The following RAPGEF4 variants were observed in gnomAD, a reference collection of about 807,000 sequenced individuals.
RAPGEF4 encodes the protein Rap guanine nucleotide exchange factor 4.
Under a neutral mutation model 147.9 loss-of-function variants are expected in RAPGEF4, and 66 were observed. The observed-to-expected ratio is 0.45, with a 90% confidence interval of 0.37 to 0.55. The LOEUF is 0.55. Among genes scored for constraint, RAPGEF4 ranks in the 20% least tolerant of loss-of-function variants. The pLI is 0.00. For synonymous variants in RAPGEF4, 419 were observed against 442.7 expected, an observed-to-expected ratio of 0.95 and a Z score of 0.67; for missense variants, 1,071 against 1,257.3, an observed-to-expected ratio of 0.85 and a Z score of 2.24.
chr2:173,018,708 A>C lies in RAPGEF4; in HGVS notation c.2061A>C (p.Pro687=), dbSNP rs1196012705. Reference sequence around the variant, plus strand: ...ACACCTACACAACCATTCGGGTGCCAGTGGCCACTTCGGTGAAGGAAGTCA... The same window carrying C: ...ACACCTACACAACCATTCGGGTGCCCGTGGCCACTTCGGTGAAGGAAGTCA... ...MDHTYTTIRV[P]VATSVKEVIS... The change falls in exon 22 of 31, where the codon CCA becomes CCC. Residue 687 remains proline, a synonymous_variant. Transcript: ENST00000397081. 2.5e-6 allele frequency: 4 copies of C among 1,613,820 alleles called. No individual in the cohort carries two copies. The East Asian group carries it at 8.9e-5, about 36-fold the overall frequency.
intron 4 of RAPGEF4, among the ~76,000 whole-genome samples, chr2:172,883,066 T>G (rs1361943247): frequency 6.6e-6 from 1 of 151,912 alleles, no homozygotes; most frequent in African/African-American, 2.4e-5. Flanking sequence ...AAGACAGGAC[T>G]AGGCCAGTTT....
chr2:172,952,550 C>T (rs1688309433), intron 6 of RAPGEF4, among the ~76,000 whole-genome samples: 1 of 152,156 alleles, frequency 6.6e-6, no homozygotes, highest in African/African-American at 2.4e-5. Flanking sequence ...TTAGCTTCTA[C>T]TACTCAAATG....
At chr2:172,772,311 A>G (rs569484169) in intron 1 of RAPGEF4, among the ~76,000 whole-genome samples, 1 of 142,592 alleles carries the variant, frequency 7.0e-6, no homozygotes, top group African/African-American at 3.0e-5. Context: ...TATGTTTTTT[A>G]TATTATTTTA....
intron 29 of RAPGEF4, among the ~76,000 whole-genome samples, chr2:173,039,072 G>A (rs3769216): frequency 0.37 from 56,849 of 152,142 alleles, 11,473 homozygotes; most frequent in Non-Finnish European, 0.44. Context: ...GAAAAGCAAT[G>A]AATAGCTACG....
chr2:172,743,007 A>G (rs1436666235), intron 1 of RAPGEF4, among the ~76,000 whole-genome samples: 2 of 152,142 alleles, frequency 1.3e-5, no homozygotes, highest in African/African-American at 4.8e-5. Context: ...CTTTTGTTGG[A>G]ATTTCCCATG....
chr2:172,933,442 C>A (rs2150100501), intron 6 of RAPGEF4, among the ~76,000 whole-genome samples: 1 of 152,124 alleles, frequency 6.6e-6, no homozygotes, highest in Middle Eastern at 3.4e-3. Context: ...AGTTTGGAGA[C>A]CTGGTTTCAA....
At chr2:172,919,761 A>G (rs1684522450) in intron 5 of RAPGEF4, among the ~76,000 whole-genome samples, 1 of 152,084 alleles carries the variant, frequency 6.6e-6, no homozygotes. Flanking sequence ...ATAAGGGAAC[A>G]CATTCTGATT....
At chr2:172,898,122 C>A (rs180730796) in intron 4 of RAPGEF4, among the ~76,000 whole-genome samples, 1 of 152,160 alleles carries the variant, frequency 6.6e-6, no homozygotes, top group East Asian at 1.9e-4. Context: ...GGATGTGGGA[C>A]CAGGTGGATT....
chr2:172,855,914 A>G (rs1388660322), intron 4 of RAPGEF4, among the ~76,000 whole-genome samples: 2 of 152,126 alleles, frequency 1.3e-5, no homozygotes, highest in South Asian at 2.1e-4. Flanking sequence ...TTTGAATATG[A>G]TGTGCCTTGG....
At chr2:172,898,602 C>A (rs1350365868) in intron 4 of RAPGEF4, among the ~76,000 whole-genome samples, 2 of 152,172 alleles carry the variant, frequency 1.3e-5, no homozygotes, top group Admixed American at 6.5e-5. Context: ...CTGGCTGGAC[C>A]TGCTCACTTG....
chr2:173,030,748 C>G (rs1697118060), intron 26 of RAPGEF4, among the ~76,000 whole-genome samples: 1 of 152,162 alleles, frequency 6.6e-6, no homozygotes, highest in African/African-American at 2.4e-5. Flanking sequence ...GTCGCCTCAC[C>G]ACCTGGCAGA....
Position 172,999,901 on chromosome 2 carries a change from A to G in RAPGEF4, c.1580-1365A>G, listed in dbSNP as rs2105791867. Among the ~76,000 whole-genome samples, 3 of 152,290 alleles carry G rather than the reference A, an allele frequency of 2.0e-5. No individual in the cohort carries two copies. In the Middle Eastern group the frequency reaches 0.01, roughly 518 times the overall value. On this transcript the variant is annotated intron_variant, in intron 16 of 30. Coordinates refer to ENST00000397081, the MANE Select transcript of RAPGEF4 (RefSeq NM_007023.4). ...GAAAGCCACACTGAAATGTGAGCTGAGTGGTTGGCCATGTTAACTGACTCC... is the reference window on the plus strand; with the variant it reads ...GAAAGCCACACTGAAATGTGAGCTGGGTGGTTGGCCATGTTAACTGACTCC...
intron 3 of RAPGEF4, among the ~76,000 whole-genome samples, chr2:172,803,214 C>T (rs145566392): frequency 0.018 from 2,815 of 152,318 alleles, 31 homozygotes; most frequent in South Asian, 0.03. Flanking sequence ...ATTTCCCTTC[C>T]GCACTGCCCT....
chr2:172,837,369 G>C (rs1691070556), intron 4 of RAPGEF4, among the ~76,000 whole-genome samples: 1 of 152,074 alleles, frequency 6.6e-6, no homozygotes, highest in Non-Finnish European at 1.5e-5. Flanking sequence ...GGGTTGTATG[G>C]CTAGTAAAGT....
At chr2:172,742,352 C>T (rs936700769) in intron 1 of RAPGEF4, among the ~76,000 whole-genome samples, 3 of 152,084 alleles carry the variant, frequency 2.0e-5, no homozygotes, top group Non-Finnish European at 4.4e-5. Context: ...CCTTGTAATA[C>T]ATTTCTTGAA....
intron 6 of RAPGEF4, among the ~76,000 whole-genome samples, chr2:172,929,753 C>T (rs1685729715): frequency 6.6e-6 from 1 of 152,110 alleles, no homozygotes; most frequent in African/African-American, 2.4e-5. Context: ...GACAGAAGCA[C>T]ACGTGAACAA....
At chr2:172,822,063 C>G in intron 4 of RAPGEF4, 1 of 1,498,222 alleles carries the variant, frequency 6.7e-7, no homozygotes, top group Non-Finnish European at 9.2e-7. Context: ...GAATTATGCT[C>G]AAAAACATCT....
intron 1 of RAPGEF4, among the ~76,000 whole-genome samples, chr2:172,770,770 A>G (rs1683484936): frequency 2.0e-5 from 3 of 152,312 alleles, no homozygotes; most frequent in Middle Eastern, 6.8e-3. Flanking sequence ...CACTTACAGA[A>G]CTGGTTCTTT....
intron 29 of RAPGEF4, among the ~76,000 whole-genome samples, chr2:173,041,343 G>A (rs1575588404): frequency 6.6e-6 from 1 of 152,174 alleles, no homozygotes; most frequent in South Asian, 2.1e-4. Context: ...GAAATCTATG[G>A]GAGTACTTTG....
Sources: gnomAD v4.1 joint callset for allele counts (sites outside exome capture counted in the v4.1 genomes callset) on GRCh38, gnomAD v4.1.1 for gene constraint, MANE v1.5 for transcripts, NCBI Gene and HGNC (gene_info 2026-07-23, HGNC 2026-07-21) for gene names.